The following GLCCI1 variants were observed in gnomAD, a reference collection of about 807,000 sequenced individuals.
The protein encoded by GLCCI1 is glucocorticoid-induced transcript 1 protein.
In GLCCI1, 24 loss-of-function variants were observed where a neutral mutation model predicts 52.2. The ratio of observed to expected loss-of-function variants is 0.46; its 90% confidence interval spans 0.33 to 0.65. The LOEUF (loss-of-function observed/expected upper bound fraction) is 0.65. Among genes scored for constraint, GLCCI1 ranks in the 30% least tolerant of loss-of-function variants. The pLI, the probability that GLCCI1 is intolerant of heterozygous loss-of-function variation, is 0.02. For missense variants in GLCCI1, 704 were observed against 701.5 expected (o/e 1.00, Z -0.04); for synonymous variants, 310 against 276.5 (o/e 1.12, Z -1.20).
At position 8,034,624 on chromosome 7, in the gene GLCCI1, G is replaced by C. The variant is rs73242171; in HGVS notation, c.696+12055G>C. Among the ~76,000 whole-genome samples, 1,059 of 152,300 alleles carry C rather than the reference G, an allele frequency of 7.0e-3. 9 individuals carry two copies. The highest frequency in any genetic ancestry group is 0.024 in the African/African-American group (993 of 41,576). On this transcript the variant is annotated intron_variant, in intron 3 of 7. Transcript: ENST00000223145. Reference sequence around the variant, plus strand: ...ATCAGACACCACTTCTCAGAAAGAAGAACCATAGTTACAGGTGAATAATCA... The same window carrying C: ...ATCAGACACCACTTCTCAGAAAGAACAACCATAGTTACAGGTGAATAATCA...
At chr7:8,084,401 G>GT (rs1378993788) in intron 6 of GLCCI1, among the ~76,000 whole-genome samples, 1 of 152,034 alleles carries the variant, frequency 6.6e-6, no homozygotes, top group South Asian at 2.1e-4. Flanking sequence ...TTATAAACTT[G>GT]TTTTTTTCCC....
Position 7,969,815 on chromosome 7 carries a change from G to GC in GLCCI1, c.457+11dup, listed in dbSNP as rs1780302985. 6.9e-7 allele frequency: 1 copy of GC among 1,450,954 alleles called. No homozygotes were observed. Among genetic ancestry groups the GC allele is most frequent in the South Asian group, 1.3e-5 (1 of 79,048 alleles). The allele number at this position is 1,450,954 out of a possible 1,614,324, so 89.9% of individuals were successfully genotyped here. On this transcript the variant is annotated intron_variant, in intron 1 of 7. Transcript: ENST00000223145. This position sits in a 1 kb window ranked among gnomAD's most constrained non-coding sequence, Gnocchi z 4.9. ...GCTCGCCCGTGTGCAGAGGTAGCGA[G>GC]CCCAACCCTCCCGTCCTCCCGGGCT...
intron 6 of GLCCI1, among the ~76,000 whole-genome samples, chr7:8,073,265 G>A (rs957938973): frequency 3.0e-4 from 45 of 152,088 alleles, no homozygotes; most frequent in African/African-American, 1.1e-3. Flanking sequence ...ATTATCACCT[G>A]TTAGTTTCCC....
At chr7:7,986,947 C>A (rs1254627655) in intron 1 of GLCCI1, among the ~76,000 whole-genome samples, 4 of 152,144 alleles carry the variant, frequency 2.6e-5, no homozygotes, top group Admixed American at 2.6e-4. Context: ...TTTTTGCATT[C>A]TTTCCATGTC....
At chr7:8,012,535 C>G (rs1376508272) in intron 2 of GLCCI1, among the ~76,000 whole-genome samples, 2 of 140,896 alleles carry the variant, frequency 1.4e-5, no homozygotes, top group Non-Finnish European at 1.5e-5. Context: ...AGCTCCACCT[C>G]CTGGGTTCAT....
intron 3 of GLCCI1, among the ~76,000 whole-genome samples, chr7:8,030,923 T>C (rs1781733609): frequency 6.6e-6 from 1 of 152,086 alleles, no homozygotes; most frequent in Non-Finnish European, 1.5e-5. Context: ...GGGAACCCTC[T>C]GTACACTGTT....
Position 8,061,101 on chromosome 7 carries a change from C to CTT in GLCCI1, c.966+868_966+869dup, listed in dbSNP as rs1183119492. On this transcript the variant is annotated intron_variant, in intron 5 of 7. Coordinates refer to ENST00000223145, the MANE Select transcript of GLCCI1 (RefSeq NM_138426.4). ...AAGCATCTTTTCATGTGCTAGTGAT[C>CTT]TTTTTTTTTTTTTTTTGAGGTGGAG... Among the ~76,000 whole-genome samples, 46 of 138,902 alleles carry CTT rather than the reference C, an allele frequency of 3.3e-4. 1 individual carries two copies. Among genetic ancestry groups the CTT allele is most frequent in the East Asian group, 8.2e-4 (4 of 4,850 alleles). 91.1% of individuals were successfully genotyped at this position (138,902 alleles called of 152,430 possible).
chr7:8,033,237 G>A lies in GLCCI1; in HGVS notation c.696+10668G>A, dbSNP rs570620721. 3.3e-5 allele frequency among the ~76,000 whole-genome samples: 5 copies of A among 151,530 alleles called. 1 individual carries two copies. The South Asian group carries it at 1.0e-3, about 32-fold the overall frequency. On this transcript the variant is annotated intron_variant, in intron 3 of 7. Coordinates refer to ENST00000223145, the MANE Select transcript of GLCCI1 (RefSeq NM_138426.4). The stretch of plus-strand genomic sequence containing the variant: ...ATTAAAAAAAAAAATCAACAAACTG[G>A]GAACAGAAGAAAACTTTCTTCATCT...
intron 1 of GLCCI1, chr7:7,980,648 G>C (rs1031873178): frequency 1.2e-6 from 1 of 831,696 alleles, no homozygotes; most frequent in African/African-American, 1.7e-5. Flanking sequence ...AACGTCCCAA[G>C]AATTAAGCAC....
At chr7:8,002,254 T>C (rs915424432) in intron 1 of GLCCI1, among the ~76,000 whole-genome samples, 114 of 145,808 alleles carry the variant, frequency 7.8e-4, no homozygotes, top group African/African-American at 2.7e-3. Flanking sequence ...ATAAAACTGA[T>C]AATTATTCCT....
intron 3 of GLCCI1, among the ~76,000 whole-genome samples, chr7:8,027,475 G>A (rs1781646441): frequency 6.6e-6 from 1 of 151,982 alleles, no homozygotes; most frequent in South Asian, 2.1e-4. Flanking sequence ...GTAACAGAGT[G>A]AAACCCTATC....
intron 3 of GLCCI1, among the ~76,000 whole-genome samples, chr7:8,049,343 G>A (rs1782205726): frequency 6.6e-6 from 1 of 151,998 alleles, no homozygotes; most frequent in Admixed American, 6.6e-5. Context: ...TGATATTAGG[G>A]AAGAACAATT....
chr7:8,054,017 AAT>A (rs1782328472), intron 3 of GLCCI1, among the ~76,000 whole-genome samples: 1 of 152,166 alleles, frequency 6.6e-6, no homozygotes, highest in African/African-American at 2.4e-5. Flanking sequence ...TAGATTGACT[AAT>A]ATTTATCAAT....
intron 5 of GLCCI1, among the ~76,000 whole-genome samples, chr7:8,061,956 T>C (rs1782527376): frequency 6.6e-6 from 1 of 152,102 alleles, no homozygotes; most frequent in African/African-American, 2.4e-5. Flanking sequence ...CATGAGCCAC[T>C]GCGCCCAGCC....
chr7:7,973,663 C>G (rs182593722), intron 1 of GLCCI1, among the ~76,000 whole-genome samples: 5,606 of 152,042 alleles, frequency 0.037, 141 homozygotes, highest in Non-Finnish European at 0.057. Flanking sequence ...TAATACTCTA[C>G]CAGATTGCTA....
At chr7:7,992,500 T>A (rs1780861417) in intron 1 of GLCCI1, among the ~76,000 whole-genome samples, 2 of 152,158 alleles carry the variant, frequency 1.3e-5, no homozygotes, top group African/African-American at 2.4e-5. Context: ...ATAGCTTTTT[T>A]AATCTGTAGC....
chr7:7,976,089 T>C (rs987293247), intron 1 of GLCCI1, among the ~76,000 whole-genome samples: 1 of 152,174 alleles, frequency 6.6e-6, no homozygotes, highest in African/African-American at 2.4e-5. Flanking sequence ...CTTCCAAGAA[T>C]CTGCAATTTG....
intron 1 of GLCCI1, among the ~76,000 whole-genome samples, chr7:7,971,745 ATTCTC>A (rs1298816981): frequency 6.6e-6 from 1 of 152,208 alleles, no homozygotes; most frequent in Non-Finnish European, 1.5e-5. Flanking sequence ...GGCTTAAACT[ATTCTC>A]TTTGTTGTAG....
intron 1 of GLCCI1, among the ~76,000 whole-genome samples, chr7:7,998,675 T>A (rs1419971869): frequency 6.6e-6 from 1 of 152,234 alleles, no homozygotes; most frequent in African/African-American, 2.4e-5. Flanking sequence ...TGTATTTAGG[T>A]TTTAAGGTTC....
Sources: allele counts gnomAD v4.1 joint callset (sites outside exome capture counted in the v4.1 genomes callset), GRCh38; gene constraint gnomAD v4.1.1; non-coding constraint Gnocchi (gnomAD v3.1); transcripts MANE v1.5; gene names NCBI Gene and HGNC (gene_info 2026-07-23, HGNC 2026-07-21).